Variants in NTNG2 observed in about 807,000 individuals in gnomAD.
NTNG2 encodes the protein netrin G2.
Under a neutral mutation model 47.6 loss-of-function variants are expected in NTNG2, and 15 were observed. The ratio of observed to expected loss-of-function variants is 0.32; its 90% CI spans 0.21 to 0.49. NTNG2 has a LOEUF of 0.49. NTNG2 is among the 20% of genes least tolerant of loss of function. The probability of loss-of-function intolerance (pLI) is 0.99; values close to 1 mark genes in which losing one functional copy is unlikely to be tolerated. For missense variants in NTNG2, 578 were observed against 764.6 expected (o/e 0.76, Z 2.88); for synonymous variants, 307 against 324.6 (o/e 0.95, Z 0.58).
chr9:132,211,333 G>A lies in NTNG2; in HGVS notation c.857+12724G>A, dbSNP rs143182091. The stretch of plus-strand genomic sequence containing the variant: ...CCCTAGAAGAGAGGTGCAGGCTGGC[G>A]TCAGGATTTGGTTTCGGGACATGAC... On this transcript the variant is annotated intron_variant, in intron 3 of 7. Coordinates refer to ENST00000393229, the MANE Select transcript of NTNG2 (RefSeq NM_032536.4). Among the ~76,000 whole-genome samples, 421 of 152,248 alleles carry A rather than the reference G, an allele frequency of 2.8e-3. 1 individual carries two copies. Among genetic ancestry groups the A allele is most frequent in the African/African-American group, 9.5e-3 (396 of 41,542 alleles).
intron 3 of NTNG2, among the ~76,000 whole-genome samples, chr9:132,200,402 G>C (rs547576422): frequency 6.6e-6 from 1 of 152,262 alleles, no homozygotes; most frequent in Non-Finnish European, 1.5e-5. Context: ...GTGATTTGCC[G>C]TATGGCAGGT....
chr9:132,228,319 A>G (rs1218591670), intron 4 of NTNG2, among the ~76,000 whole-genome samples: 1 of 152,214 alleles, frequency 6.6e-6, no homozygotes, highest in Non-Finnish European at 1.5e-5. Context: ...GGCACCCGAC[A>G]GCACTCTCGG....
At chr9:132,176,019 CT>C in intron 2 of NTNG2, among the ~76,000 whole-genome samples, 1 of 152,242 alleles carries the variant, frequency 6.6e-6, no homozygotes, top group Admixed American at 6.5e-5. Context: ...ATTTTTAAAA[CT>C]CAGGTGAAGT....
intron 2 of NTNG2, among the ~76,000 whole-genome samples, chr9:132,194,539 T>A (rs963265796): frequency 6.6e-6 from 1 of 152,164 alleles, no homozygotes; most frequent in African/African-American, 2.4e-5. Flanking sequence ...TGTCCTGGCA[T>A]GGTGGGCTTG....
intron 3 of NTNG2, among the ~76,000 whole-genome samples, chr9:132,204,955 T>C (rs776285824): frequency 1.3e-5 from 2 of 152,140 alleles, no homozygotes; most frequent in Non-Finnish European, 2.9e-5. Context: ...ATGGCTATTA[T>C]TGGAAAAGCA....
intron 7 of NTNG2, 60 bp from the exon 8 acceptor site, chr9:132,241,816 C>A: frequency 1.5e-6 from 2 of 1,303,506 alleles, no homozygotes; most frequent in Non-Finnish European, 2.1e-6. Context: ...TTCGCAGGAG[C>A]TCGGAGGTTG....
In NTNG2 at chr9:132,206,903, G is replaced by T. The variant is rs867008189; in HGVS notation, c.857+8294G>T. On this transcript the variant is annotated intron_variant, in intron 3 of 7. Coordinates refer to ENST00000393229, the MANE Select transcript of NTNG2 (RefSeq NM_032536.4). ...ATGCTGAAGAGTTGGGGGGTGGTGG[G>T]GTCCACTGCCAAGGCAGGTGGTTGA... 2.2e-4 allele frequency among the ~76,000 whole-genome samples: 34 copies of T among 152,340 alleles called. 1 individual carries two copies. Among genetic ancestry groups the T allele is most frequent in the African/African-American group, 8.2e-4 (34 of 41,584 alleles).
In NTNG2 at chr9:132,208,661, G is replaced by A. The variant is rs540365637; in HGVS notation, c.857+10052G>A. Reference sequence around the variant, plus strand: ...GCATCTGGCTTTGAGACACTGGGTGGATGGAAATTTTGCCTTGTCAAATGG... The same window carrying A: ...GCATCTGGCTTTGAGACACTGGGTGAATGGAAATTTTGCCTTGTCAAATGG... On this transcript the variant is annotated intron_variant, in intron 3 of 7. Coordinates refer to ENST00000393229, the MANE Select transcript of NTNG2 (RefSeq NM_032536.4). The surrounding 1 kb of genome is among the most constrained non-coding windows in gnomAD (Gnocchi z 4.0). Among the ~76,000 whole-genome samples the A allele has an allele frequency of 6.6e-6, 1 of 152,318 alleles. No individual in the cohort carries two copies. The highest frequency in any genetic ancestry group is 2.4e-5 in the African/African-American group (1 of 41,566).
chr9:132,238,441 C>A (rs971277995), intron 5 of NTNG2, among the ~76,000 whole-genome samples: 7 of 152,144 alleles, frequency 4.6e-5, no homozygotes, highest in Non-Finnish European at 7.4e-5. Flanking sequence ...AGAAGCCGGG[C>A]CAGGACCAGG....
chr9:132,170,367 G>A (rs7854536), intron 2 of NTNG2, among the ~76,000 whole-genome samples: 69,204 of 152,184 alleles, frequency 0.45, 17,459 homozygotes, highest in African/African-American at 0.68. Flanking sequence ...ATTCTTGGGC[G>A]AGGACAAAAT....
chr9:132,182,884 C>A lies in NTNG2; in HGVS notation c.214-15082C>A, dbSNP rs1386061342. On this transcript the variant is annotated intron_variant, in intron 2 of 7. Transcript: ENST00000393229. The surrounding 1 kb of genome is among the most constrained non-coding windows in gnomAD (Gnocchi z 4.2). Reference sequence around the variant, plus strand: ...CTTGCCTGGGAGCTTTTCATTCCCCCCCTGCCGCAGCTGCCCCCCAGACCA... The same window carrying A: ...CTTGCCTGGGAGCTTTTCATTCCCCACCTGCCGCAGCTGCCCCCCAGACCA... Among the ~76,000 whole-genome samples the A allele has an allele frequency of 2.0e-5, 3 of 152,142 alleles. No individual in the cohort carries two copies. The highest frequency in any genetic ancestry group is 4.4e-5 in the Non-Finnish European group (3 of 68,018).
intron 3 of NTNG2, among the ~76,000 whole-genome samples, chr9:132,224,965 C>T (rs1384557729): frequency 6.6e-6 from 1 of 152,150 alleles, no homozygotes; most frequent in Non-Finnish European, 1.5e-5. Context: ...CTCTGTCTCC[C>T]AGGCTGGAGT....
At chr9:132,209,546 A>C (rs1419344501) in intron 3 of NTNG2, among the ~76,000 whole-genome samples, 1 of 152,174 alleles carries the variant, frequency 6.6e-6, no homozygotes, top group Non-Finnish European at 1.5e-5. Context: ...CGGTTCCTGC[A>C]GGGCAGCGGC....
intron 2 of NTNG2, among the ~76,000 whole-genome samples, chr9:132,169,742 G>T (rs1009229341): frequency 6.6e-6 from 1 of 152,188 alleles, no homozygotes; most frequent in East Asian, 1.9e-4. Flanking sequence ...CCGTGCTGCC[G>T]TGGTACGTGC....
Position 132,242,900 on chromosome 9 carries a change from A to C in NTNG2, c.*789A>C, listed in dbSNP as rs1353950349. On this transcript the variant is annotated 3_prime_UTR_variant, in exon 8 of 8. Coordinates refer to ENST00000393229, the MANE Select transcript of NTNG2 (RefSeq NM_032536.4). This position sits in a 1 kb window ranked among gnomAD's most constrained non-coding sequence, Gnocchi z 5.9. ...GTGTGGGGCTTACAGAGGAATCCAC[A>C]ACACAGCCTTAAAGAAACGGTTTCC... is the stretch of plus-strand genomic sequence containing the variant. 2 of 152,160 alleles carry C rather than the reference A, an allele frequency of 1.3e-5. No homozygotes were observed. Among genetic ancestry groups the C allele is most frequent in the Non-Finnish European group, 2.9e-5 (2 of 68,042 alleles). The allele number at this position is 152,160 out of a possible 1,614,324, so 9.4% of individuals were successfully genotyped here.
Position 132,226,897 on chromosome 9 carries a change from C to T in NTNG2, c.906C>T (p.Ser302=), listed in dbSNP as rs1266142366. 1.2e-6 allele frequency: 2 copies of T among 1,612,400 alleles called. No homozygotes were observed. The highest frequency in any genetic ancestry group is 1.3e-5 in the African/African-American group (1 of 74,880). The stretch of plus-strand genomic sequence containing the variant: ...ACCTGTGCTCCATGCGCGAGGGCAG[C>T]CTGCAGTGCGAGTGCGAGCACAACA... ...HANLCSMREG[S]LQCECEHNTT... is the part of the protein sequence containing the mutation. Residue 302 remains serine, a synonymous_variant, in exon 4 of 8, where the codon AGC becomes AGT. Transcript: ENST00000393229. The surrounding 1 kb of genome is among the most constrained non-coding windows in gnomAD (Gnocchi z 4.8).
chr9:132,197,911 C>T lies in NTNG2; in HGVS notation c.214-55C>T. On this transcript the variant is annotated intron_variant, in intron 2 of 7. Coordinates refer to ENST00000393229, the MANE Select transcript of NTNG2 (RefSeq NM_032536.4). This position sits in a 1 kb window ranked among gnomAD's most constrained non-coding sequence, Gnocchi z 4.3. ...GGGGCTAGGCCGCGCAGAGGCTTCC[C>T]AGGCCATCCCGAGCATCCAGCACCC... 2 of 1,543,090 alleles carry T rather than the reference C, an allele frequency of 1.3e-6. No homozygotes were observed. The highest frequency in any genetic ancestry group is 1.8e-6 in the Non-Finnish European group (2 of 1,140,748).
intron 7 of NTNG2, chr9:132,241,412 TCCAAGAGCTCGGGGCGGGG>T (rs1841979491): frequency 3.0e-6 from 1 of 338,076 alleles, no homozygotes; most frequent in Admixed American, 4.8e-5. Flanking sequence ...GAGGGGCGGG[TCCAAGAGCTCGGGGCGGGG>T]CCTGATGCGA....
At chr9:132,241,590 A>C in intron 7 of NTNG2, 3 of 424,284 alleles carry the variant, frequency 7.1e-6, no homozygotes, top group Non-Finnish European at 8.4e-6. Context: ...GGCGCGTGGA[A>C]CAGCACGTGC....
Sources: gnomAD v4.1 joint callset for allele counts (sites outside exome capture counted in the v4.1 genomes callset) on GRCh38, gnomAD v4.1.1 for gene constraint, Gnocchi (gnomAD v3.1) non-coding constraint, MANE v1.5 for transcripts, NCBI Gene and HGNC (gene_info 2026-07-23, HGNC 2026-07-21) for gene names.